The following KCNH7 variants were observed in gnomAD, a reference collection of about 807,000 sequenced individuals.
KCNH7 encodes the protein potassium voltage-gated channel subfamily H member 7.
Under a neutral mutation model 120.8 loss-of-function variants are expected in KCNH7, and 49 were observed. The observed-to-expected ratio is 0.41, with a 90% CI of 0.32 to 0.51. KCNH7 has a LOEUF of 0.51. Ranked by LOEUF, KCNH7 falls within the 20% of genes least tolerant of loss-of-function variation. The pLI, the probability that KCNH7 is intolerant of heterozygous loss-of-function variation, is 0.38. For synonymous variants in KCNH7, 547 were observed against 516.1 expected (o/e 1.06, Z -0.81); for missense variants, 1,097 against 1,446.6 (o/e 0.76, Z 3.92).
chr2:162,519,769 A>G (rs1691453011), intron 3 of KCNH7, among the ~76,000 whole-genome samples: 1 of 151,838 alleles, frequency 6.6e-6, no homozygotes, highest in Non-Finnish European at 1.5e-5. Context: ...CCTTATGGTC[A>G]GTCAACTTAA....
At position 162,423,371 on chromosome 2, in the gene KCNH7, C is replaced by A. The variant is rs1189248654; in HGVS notation, c.2119G>T (p.Ala707Ser). ...TCAATGCCATTGGTGTAAGTCCATG[C>A]GTGCTGGAAATATTCTTCAAGACGT... Reference protein sequence around the residue: ...RQRLEEYFQHAWTYTNGIDMN... With the variant: ...RQRLEEYFQHSWTYTNGIDMN... Residue 707 changes from alanine to serine, a missense_variant, in exon 9 of 16, where the codon GCA becomes TCA. By Grantham distance (99) the Ala-to-Ser change is moderately conservative. This residue lies in a region of KCNH7 where 101 missense variants were observed against 176.3 expected (regional missense o/e 0.57). Transcript: ENST00000332142. The A allele has an allele frequency of 6.2e-7, 1 of 1,613,932 alleles. No individual in the cohort carries two copies. Among genetic ancestry groups the A allele is most frequent in the Non-Finnish European group, 8.5e-7 (1 of 1,179,954 alleles).
intron 2 of KCNH7, among the ~76,000 whole-genome samples, chr2:162,665,269 T>TA (rs1415602878): frequency 8.5e-5 from 13 of 152,232 alleles, no homozygotes; most frequent in African/African-American, 3.1e-4. Context: ...TTTATTGTCT[T>TA]ACCACTATTG....
chr2:162,450,595 T>G (rs1475986405), intron 6 of KCNH7, among the ~76,000 whole-genome samples: 4 of 152,098 alleles, frequency 2.6e-5, no homozygotes, highest in African/African-American at 9.7e-5. Flanking sequence ...ATCATCTTAA[T>G]GATTCAGAAG....
chr2:162,698,130 T>C (rs1686359392), intron 2 of KCNH7, among the ~76,000 whole-genome samples: 1 of 152,188 alleles, frequency 6.6e-6, no homozygotes, highest in African/African-American at 2.4e-5. Context: ...CAACCTTGAG[T>C]CTGCTATTCT....
chr2:162,595,781 C>G (rs1553500651), intron 2 of KCNH7, among the ~76,000 whole-genome samples: 3 of 151,902 alleles, frequency 2.0e-5, no homozygotes, highest in Non-Finnish European at 4.4e-5. Flanking sequence ...GATATTATCT[C>G]TGTTTGCCAA....
chr2:162,544,466 T>C (rs1358804093), intron 2 of KCNH7, among the ~76,000 whole-genome samples: 1 of 152,126 alleles, frequency 6.6e-6, no homozygotes, highest in African/African-American at 2.4e-5. Flanking sequence ...ACCATTATCA[T>C]CCCCATTAGG....
chr2:162,616,156 A>G (rs1262468892), intron 2 of KCNH7, among the ~76,000 whole-genome samples: 1 of 152,166 alleles, frequency 6.6e-6, no homozygotes, highest in South Asian at 2.1e-4. Flanking sequence ...CATTAGTCTG[A>G]TCTCCATTTC....
At chr2:162,800,384 A>G (rs1684299545) in intron 2 of KCNH7, among the ~76,000 whole-genome samples, 1 of 151,760 alleles carries the variant, frequency 6.6e-6, no homozygotes, top group Non-Finnish European at 1.5e-5. Context: ...TTTTACTGAA[A>G]GTCTTGTACA....
intron 2 of KCNH7, among the ~76,000 whole-genome samples, chr2:162,755,438 C>T (rs1191925633): frequency 6.6e-6 from 1 of 152,146 alleles, no homozygotes; most frequent in Non-Finnish European, 1.5e-5. Context: ...TGTCATTGCA[C>T]TCCAGACTGG....
At chr2:162,526,490 C>T (rs953578016) in intron 3 of KCNH7, among the ~76,000 whole-genome samples, 6 of 151,950 alleles carry the variant, frequency 3.9e-5, no homozygotes, top group Admixed American at 6.6e-5. Flanking sequence ...ACGCCGCCCC[C>T]CCGAAGCAGC....
chr2:162,723,122 A>C (rs1687387875), intron 2 of KCNH7, among the ~76,000 whole-genome samples: 1 of 151,928 alleles, frequency 6.6e-6, no homozygotes, highest in Admixed American at 6.6e-5. Flanking sequence ...TAAATTATAT[A>C]TCTCTTTATT....
At chr2:162,480,880 G>A (rs893684617) in intron 6 of KCNH7, among the ~76,000 whole-genome samples, 14 of 152,212 alleles carry the variant, frequency 9.2e-5, no homozygotes, top group African/African-American at 2.9e-4. Context: ...TTAAGAGATC[G>A]GAGCTGTCTC....
At chr2:162,806,773 G>A (rs918329210) in intron 2 of KCNH7, among the ~76,000 whole-genome samples, 2 of 152,108 alleles carry the variant, frequency 1.3e-5, no homozygotes, top group Non-Finnish European at 2.9e-5. Flanking sequence ...CGGTAAATCT[G>A]AAGTTGTGGA....
intron 2 of KCNH7, among the ~76,000 whole-genome samples, chr2:162,683,808 C>T (rs2105316960): frequency 6.6e-6 from 1 of 152,002 alleles, no homozygotes; most frequent in South Asian, 2.1e-4. Flanking sequence ...ACCCATCAAG[C>T]TACCATTGAC....
chr2:162,582,833 T>A (rs942359557), intron 2 of KCNH7, among the ~76,000 whole-genome samples: 2 of 152,086 alleles, frequency 1.3e-5, no homozygotes, highest in African/African-American at 4.8e-5. Context: ...CCTACCCAGA[T>A]AAGGAGATTA....
chr2:162,425,501 A>G (rs1197311567), intron 8 of KCNH7, among the ~76,000 whole-genome samples: 2 of 152,194 alleles, frequency 1.3e-5, no homozygotes, highest in Non-Finnish European at 2.9e-5. Flanking sequence ...AGAATTAACA[A>G]TATTTGCCAG....
intron 2 of KCNH7, among the ~76,000 whole-genome samples, chr2:162,791,915 G>T (rs1683960628): frequency 6.6e-6 from 1 of 151,954 alleles, no homozygotes; most frequent in African/African-American, 2.4e-5. Flanking sequence ...CTGAATGTGG[G>T]TTTGCCATAG....
chr2:162,401,674 A>C (rs1456595868), intron 9 of KCNH7, among the ~76,000 whole-genome samples: 1 of 151,934 alleles, frequency 6.6e-6, no homozygotes, highest in Non-Finnish European at 1.5e-5. Context: ...AGACTGATAT[A>C]TTATAAAGAG....
intron 2 of KCNH7, among the ~76,000 whole-genome samples, chr2:162,658,016 G>C (rs546638324): frequency 6.6e-6 from 1 of 151,736 alleles, no homozygotes; most frequent in Admixed American, 6.6e-5. Context: ...AGGTGATGAG[G>C]GTGGGGATCT....
Sources: allele counts gnomAD v4.1 joint callset (sites outside exome capture counted in the v4.1 genomes callset), GRCh38; gene constraint gnomAD v4.1.1; regional missense constraint gnomAD v4.1.1; transcripts MANE v1.5; gene names NCBI Gene and HGNC (gene_info 2026-07-23, HGNC 2026-07-21).